The following SMIM22 variants were observed in gnomAD, a reference collection of about 807,000 sequenced individuals.
SMIM22 encodes the protein cancer associated small integral membrane open reading frame 1.
A neutral mutation model predicts 8.4 loss-of-function variants in SMIM22; 16 were observed. That is an observed-to-expected ratio of 1.90 (90% confidence interval 1.29 to 2.89). The LOEUF is 2.89. SMIM22 is among the 30% of genes most tolerant of loss of function. The pLI is 0.00. For missense variants in SMIM22, 159 were observed against 107.5 expected (o/e 1.48, Z -2.12); for synonymous variants, 67 against 47.6 (o/e 1.41, Z -1.68).
rs1007195039 is a variant in SMIM22 at position 4,796,097 on chromosome 16, G to A, written c.225+49G>A. On this transcript the variant is annotated intron_variant, in intron 3 of 3. Transcript: ENST00000586005. ...CCTGCACGGAACTGTACTGGGGGTG[G>A]AGGCGGAAGGTGAGGGGAGTGGCGG... is the stretch of plus-strand genomic sequence containing the variant. 9.1e-6 allele frequency: 14 copies of A among 1,535,566 alleles called. No individual in the cohort carries two copies. The African/African-American group carries it at 1.9e-4, about 21-fold the overall frequency.
upstream of SMIM22, among the ~76,000 whole-genome samples, chr16:4,790,561 G>A (rs1189237966): frequency 1.3e-5 from 2 of 152,280 alleles, no homozygotes; most frequent in East Asian, 3.9e-4. Context: ...AGGCCAAGGT[G>A]GGCAGATCAC....
Position 4,796,205 on chromosome 16 carries a change from G to T in SMIM22, c.241G>T (p.Val81Leu). 6.5e-7 allele frequency: 1 copy of T among 1,536,006 alleles called. No homozygotes were observed. Among genetic ancestry groups the T allele is most frequent in the Non-Finnish European group, 8.7e-7 (1 of 1,146,854 alleles). The change falls in exon 4 of 4, where the codon GTG becomes TTG. Residue 81 changes from valine to leucine, a missense_variant. Val to Leu is a conservative substitution (Grantham distance 32). Transcript: ENST00000586005. ...TCTCGTGCAGGAAAGACCCAAGGGAGTGGATAACTTGGCCCTGGAACCCTG... is the reference window on the plus strand; with the variant it reads ...TCTCGTGCAGGAAAGACCCAAGGGATTGGATAACTTGGCCCTGGAACCCTG... ...VSPWKERPKG[V>L]DNLALEP
chr16:4,791,457 T>A (rs186139673), upstream of SMIM22, among the ~76,000 whole-genome samples: 1 of 152,232 alleles, frequency 6.6e-6, no homozygotes, highest in Non-Finnish European at 1.5e-5. Flanking sequence ...ATCAGTTCAT[T>A]TCATCCTCAC....
upstream of SMIM22, among the ~76,000 whole-genome samples, chr16:4,794,071 G>A (rs938808142): frequency 8.7e-4 from 132 of 151,816 alleles, 1 homozygote; most frequent in Admixed American, 3.3e-4. Flanking sequence ...AAGTAGCTGG[G>A]ATTACAGGTG....
At chr16:4,795,659 G>T in intron 1 of SMIM22, 56 bp from the exon 2 acceptor site, 1 of 1,503,546 alleles carries the variant, frequency 6.7e-7, no homozygotes, top group Non-Finnish European at 8.8e-7. Context: ...GCCTGGATGT[G>T]GTCCCCGCTG....
At chr16:4,790,957 G>A (rs780792606), upstream of SMIM22, among the ~76,000 whole-genome samples, 6 of 152,216 alleles carry the variant, frequency 3.9e-5, no homozygotes, top group Non-Finnish European at 5.9e-5. Context: ...CAGCCCTTGA[G>A]GGATTCAGCA....
At chr16:4,794,753 G>A (rs1325518426), upstream of SMIM22, among the ~76,000 whole-genome samples, 1 of 152,114 alleles carries the variant, frequency 6.6e-6, no homozygotes, top group Non-Finnish European at 1.5e-5. Context: ...GTGGGGTTTC[G>A]CCATGTTGGC....
At position 4,795,780 on chromosome 16, in the gene SMIM22, C is replaced by T; in HGVS notation, c.46C>T (p.Leu16=). ...GCTGGAGGCCACGGTTCAGGAAGTCCTGGGGAGACTGAAGAGCCACCAGTT... is the reference window on the plus strand; with the variant it reads ...GCTGGAGGCCACGGTTCAGGAAGTCTTGGGGAGACTGAAGAGCCACCAGTT... ...EELEATVQEV[L]GRLKSHQFFQ... The change falls in exon 2 of 4, where the codon CTG becomes TTG. Residue 16 remains leucine (L), a synonymous_variant. Coordinates refer to ENST00000586005, the MANE Select transcript of SMIM22 (RefSeq NM_001253794.2). 1 of 1,535,962 alleles carries T rather than the reference C, an allele frequency of 6.5e-7. No individual in the cohort carries two copies. Among genetic ancestry groups the T allele is most frequent in the Non-Finnish European group, 8.7e-7 (1 of 1,146,810 alleles).
chr16:4,791,712 C>T (rs1451111742), upstream of SMIM22, among the ~76,000 whole-genome samples: 1 of 152,110 alleles, frequency 6.6e-6, no homozygotes, highest in Non-Finnish European at 1.5e-5. Flanking sequence ...TTCTGAGACA[C>T]AGTCTCACTC....
In SMIM22 at chr16:4,789,333, T is replaced by TA. The variant is rs201749795; in HGVS notation, c.-146+562_-146+563insA. Among the ~76,000 whole-genome samples the TA allele has an allele frequency of 6.0e-3, 882 of 146,872 alleles. 7 individuals carry two copies. The highest frequency in any genetic ancestry group is 0.021 in the African/African-American group (842 of 40,348). ...TTTTTTTTCTTTTTTCCTTTTTTTC[T>TA]TTTTTTTTTTGAGACGGAGTCTCGC... is the stretch of plus-strand genomic sequence containing the variant. On this transcript the variant is annotated intron_variant, in intron 2 of 5. Transcript: ENST00000589327.
At chr16:4,790,767 C>A (rs191420721), upstream of SMIM22, among the ~76,000 whole-genome samples, 1 of 151,920 alleles carries the variant, frequency 6.6e-6, no homozygotes, top group Non-Finnish European at 1.5e-5. Flanking sequence ...CCAGCCTGGG[C>A]GACAGAGTAA....
At chr16:4,792,841 G>A (rs193012544), upstream of SMIM22, among the ~76,000 whole-genome samples, 4 of 150,424 alleles carry the variant, frequency 2.7e-5, no homozygotes, top group Admixed American at 2.7e-4. Flanking sequence ...CAAGCATCGT[G>A]GCTCACACCT....
intron 1 of SMIM22, 110 bp downstream of exon 1, chr16:4,795,559 G>A: frequency 1.1e-6 from 1 of 899,354 alleles, no homozygotes; most frequent in Non-Finnish European, 1.6e-6. Flanking sequence ...AAGGAGAGAA[G>A]CTGGGCCTGG....
At chr16:4,793,941 C>A (rs2082593837), upstream of SMIM22, among the ~76,000 whole-genome samples, 1 of 149,984 alleles carries the variant, frequency 6.7e-6, no homozygotes, top group Non-Finnish European at 1.5e-5. Context: ...CGCACCCAGC[C>A]AATTTATTTT....
Position 4,796,376 on chromosome 16 carries a change from A to G in SMIM22, c.*145A>G, listed in dbSNP as rs1161154013. ...GGCCACCTGGCCTCTCCAAGCCTTCAGTCAGCACGACTGTGCCAGGTCATC... is the reference window on the plus strand; with the variant it reads ...GGCCACCTGGCCTCTCCAAGCCTTCGGTCAGCACGACTGTGCCAGGTCATC... On this transcript the variant is annotated 3_prime_UTR_variant, in exon 4 of 4. Coordinates refer to ENST00000586005, the MANE Select transcript of SMIM22 (RefSeq NM_001253794.2). 2 of 916,572 alleles carry G rather than the reference A, an allele frequency of 2.2e-6. No homozygotes were observed. Among genetic ancestry groups the G allele is most frequent in the Non-Finnish European group, 3.3e-6 (2 of 613,924 alleles). 56.8% of individuals were successfully genotyped at this position (916,572 alleles called of 1,614,324 possible). A position where few individuals can be genotyped will look rare whatever the true frequency, so the allele number is the denominator to read the frequency against.
Position 4,796,113 on chromosome 16 carries a change from G to C in SMIM22, c.225+65G>C, listed in dbSNP as rs1487185423. The C allele has an allele frequency of 2.0e-6, 3 of 1,533,832 alleles. No individual in the cohort carries two copies. The East Asian group carries it at 7.3e-5, about 37-fold the overall frequency. On this transcript the variant is annotated intron_variant, in intron 3 of 3. Transcript: ENST00000586005. ...CTGGGGGTGGAGGCGGAAGGTGAGGGGAGTGGCGGGAAGGGTGCTCATCCC... is the reference window on the plus strand; with the variant it reads ...CTGGGGGTGGAGGCGGAAGGTGAGGCGAGTGGCGGGAAGGGTGCTCATCCC...
At position 4,795,653 on chromosome 16, in the gene SMIM22, G is replaced by A. The variant is rs2082625905; in HGVS notation, c.-20-62G>A. 3.3e-6 allele frequency: 5 copies of A among 1,497,346 alleles called. No homozygotes were observed. The Admixed American group carries it at 6.4e-5, about 19-fold the overall frequency. 92.8% of individuals were successfully genotyped at this position (1,497,346 alleles called of 1,614,324 possible). A position where few individuals can be genotyped will look rare whatever the true frequency, so the allele number is the denominator to read the frequency against. On this transcript the variant is annotated intron_variant, in intron 1 of 3. Transcript: ENST00000586005. ...GCAGTGGCTGGGCTGTGGGAAGCCT[G>A]GATGTGGTCCCCGCTGAGCTGAGCC... is the stretch of plus-strand genomic sequence containing the variant.
chr16:4,791,766 C>T (rs1350865675), upstream of SMIM22, among the ~76,000 whole-genome samples: 2 of 152,146 alleles, frequency 1.3e-5, no homozygotes, highest in Non-Finnish European at 2.9e-5. Flanking sequence ...TGGCTCCCTG[C>T]AACCTCTGCC....
At chr16:4,790,717 A>T (rs2082538183), upstream of SMIM22, among the ~76,000 whole-genome samples, 1 of 152,134 alleles carries the variant, frequency 6.6e-6, no homozygotes, top group South Asian at 2.1e-4. Flanking sequence ...TGAACCGAGG[A>T]GGTGGAGGTT....
Sources: gnomAD v4.1 joint callset for allele counts (sites outside exome capture counted in the v4.1 genomes callset) on GRCh38, gnomAD v4.1.1 for gene constraint, MANE v1.5 for transcripts, NCBI Gene and HGNC (gene_info 2026-07-23, HGNC 2026-07-21) for gene names.